Variants in ANKFN1 observed in about 807,000 individuals in gnomAD.
ANKFN1 encodes ankyrin repeat and fibronectin type-III domain-containing protein 1.
In ANKFN1, 74 loss-of-function variants were observed where a neutral mutation model predicts 108.7. The ratio of observed to expected loss-of-function variants is 0.68; its 90% CI spans 0.56 to 0.83. The LOEUF is 0.83. Among genes scored for constraint, ANKFN1 ranks in the 40% least tolerant of loss-of-function variants. The probability of loss-of-function intolerance (pLI) is 0.00; values close to 1 mark genes in which losing one functional copy is unlikely to be tolerated. For synonymous variants in ANKFN1, 547 were observed against 516.2 expected (o/e 1.06, Z -0.81); for missense variants, 1,505 against 1,382.3 (o/e 1.09, Z -1.41).
chr17:56,290,141 T>C (rs1267094168), intron 3 of ANKFN1, among the ~76,000 whole-genome samples: 1 of 152,190 alleles, frequency 6.6e-6, no homozygotes, highest in Non-Finnish European at 1.5e-5. Flanking sequence ...CAATTCTGTT[T>C]TCCTCTGCTC....
chr17:56,137,019 A>T (rs1171011455), intron 4 of ANKFN1, among the ~76,000 whole-genome samples: 2 of 152,216 alleles, frequency 1.3e-5, no homozygotes, highest in Non-Finnish European at 2.9e-5. Flanking sequence ...AAGACCATTT[A>T]TTCAAGAAAC....
In ANKFN1 at chr17:56,492,390, G is replaced by A. The variant is rs1438651583; in HGVS notation, c.2427+37G>A. On this transcript the variant is annotated intron_variant, in intron 19 of 20. Coordinates refer to ENST00000682825, the MANE Select transcript of ANKFN1 (RefSeq NM_001370326.1). ...TTCCTTCTGGGGTAAAAGGAAGGGA[G>A]AAGAGGCAGGGTGGAAAGGGTGAAA... The A allele has an allele frequency of 4.3e-6, 3 of 693,496 alleles. No individual in the cohort carries two copies. In the African/African-American group the frequency reaches 5.3e-5, roughly 12 times the overall value. 43.0% of individuals were successfully genotyped at this position (693,496 alleles called of 1,614,324 possible).
intron 3 of ANKFN1, among the ~76,000 whole-genome samples, chr17:56,253,457 G>T (rs1211955405): frequency 6.6e-6 from 1 of 152,180 alleles, no homozygotes; most frequent in African/African-American, 2.4e-5. Flanking sequence ...AAGAAGCCAG[G>T]CCGGGCGCAA....
chr17:56,100,845 T>G (rs1905633751), intron 4 of ANKFN1, among the ~76,000 whole-genome samples: 2 of 152,188 alleles, frequency 1.3e-5, no homozygotes, highest in African/African-American at 4.8e-5. Flanking sequence ...CACCTGTAGT[T>G]TGGATCCTAT....
chr17:56,274,479 ATAAT>A (rs968580666), intron 3 of ANKFN1, among the ~76,000 whole-genome samples: 8 of 151,362 alleles, frequency 5.3e-5, no homozygotes, highest in Non-Finnish European at 8.9e-5. Context: ...CCTCAAAAAA[ATAAT>A]AATAATAATA....
chr17:56,363,076 G>T (rs1396833183), intron 6 of ANKFN1, among the ~76,000 whole-genome samples: 1 of 151,860 alleles, frequency 6.6e-6, no homozygotes, highest in African/African-American at 2.4e-5. Flanking sequence ...GAGCATGGTG[G>T]CAGGTGCCTG....
intron 6 of ANKFN1, among the ~76,000 whole-genome samples, chr17:56,358,004 C>G (rs2046418843): frequency 6.6e-6 from 1 of 152,084 alleles, no homozygotes. Context: ...GGATTTGAAC[C>G]CAGATCTGTA....
chr17:56,425,106 C>G (rs1340627797), intron 8 of ANKFN1, among the ~76,000 whole-genome samples: 1 of 150,434 alleles, frequency 6.6e-6, no homozygotes, highest in Non-Finnish European at 1.5e-5. Flanking sequence ...TAAGTATACA[C>G]TGTTGCTAAC....
intron 4 of ANKFN1, among the ~76,000 whole-genome samples, chr17:56,097,121 A>G (rs1033870643): frequency 6.6e-6 from 1 of 152,312 alleles, no homozygotes; most frequent in African/African-American, 2.4e-5. Context: ...GTGAACATCA[A>G]AAAACTATCA....
rs142918308 is a variant in ANKFN1, at chr17:56,270,214, G to A, written c.53+42257G>A. ...TTAGAGACTGAGAGGGACATTTTTG[G>A]TTAGCAGAGTCTCCGAGGCTCCATA... is the stretch of plus-strand genomic sequence containing the variant. On this transcript the variant is annotated intron_variant, in intron 3 of 20. Transcript: ENST00000682825. 1.7e-3 allele frequency among the ~76,000 whole-genome samples: 255 copies of A among 152,266 alleles called. 1 individual carries two copies. Among genetic ancestry groups the A allele is most frequent in the African/African-American group, 5.7e-3 (236 of 41,546 alleles).
At chr17:56,212,367 C>G (rs958364192) in intron 1 of ANKFN1, among the ~76,000 whole-genome samples, 1 of 152,002 alleles carries the variant, frequency 6.6e-6, no homozygotes. Context: ...GTGAAACCAT[C>G]CCTGCATCCC....
intron 6 of ANKFN1, among the ~76,000 whole-genome samples, chr17:56,359,267 A>G (rs894885230): frequency 1.3e-5 from 2 of 152,148 alleles, no homozygotes; most frequent in African/African-American, 2.4e-5. Flanking sequence ...GAATGTAGGG[A>G]AAAAAACCTT....
chr17:56,126,750 A>G lies in ANKFN1; in HGVS notation c.288+80425A>G, dbSNP rs147570756. On this transcript the variant is annotated intron_variant, in intron 4 of 12. Transcript: ENST00000635860. ...TAGCACTTGCTCCCAAGCCCAATCA[A>G]TAATACCATTTTGATAAGTAAAATA... Among the ~76,000 whole-genome samples the G allele has an allele frequency of 3.9e-5, 6 of 152,370 alleles. No individual in the cohort carries two copies. The East Asian group carries it at 7.7e-4, about 20-fold the overall frequency.
chr17:56,317,350 C>G (rs2045238653), intron 3 of ANKFN1, among the ~76,000 whole-genome samples: 1 of 152,188 alleles, frequency 6.6e-6, no homozygotes, highest in African/African-American at 2.4e-5. Flanking sequence ...AAAACTCCAG[C>G]TTGCCTTCAT....
chr17:56,381,833 G>T (rs1240966077), intron 8 of ANKFN1, among the ~76,000 whole-genome samples: 4 of 152,184 alleles, frequency 2.6e-5, no homozygotes, highest in Non-Finnish European at 5.9e-5. Flanking sequence ...ATGTGACGGG[G>T]AGAATGGAAC....
intron 4 of ANKFN1, among the ~76,000 whole-genome samples, chr17:56,072,406 C>T (rs1905131087): frequency 1.3e-5 from 2 of 151,990 alleles, no homozygotes; most frequent in Admixed American, 1.3e-4. Flanking sequence ...GTAATCAACA[C>T]TAGATCAAGA....
chr17:56,439,760 C>A (rs1376661001), intron 8 of ANKFN1, among the ~76,000 whole-genome samples: 1 of 152,076 alleles, frequency 6.6e-6, no homozygotes, highest in Admixed American at 6.5e-5. Flanking sequence ...CTCACTCAGA[C>A]CTTAAGAGAG....
chr17:56,382,067 A>T (rs2047122232), intron 8 of ANKFN1, among the ~76,000 whole-genome samples: 1 of 152,212 alleles, frequency 6.6e-6, no homozygotes, highest in Non-Finnish European at 1.5e-5. Flanking sequence ...AGGGAAGCCC[A>T]TCAGACTAAC....
intron 4 of ANKFN1, among the ~76,000 whole-genome samples, chr17:56,086,451 G>T (rs756818648): frequency 2.6e-5 from 4 of 151,290 alleles, no homozygotes; most frequent in Admixed American, 6.6e-5. Flanking sequence ...TTTGAAAGTG[G>T]ATTGGCCCCC....
Sources: allele counts gnomAD v4.1 joint callset (sites outside exome capture counted in the v4.1 genomes callset), GRCh38; gene constraint gnomAD v4.1.1; transcripts MANE v1.5; gene names NCBI Gene and HGNC (gene_info 2026-07-23, HGNC 2026-07-21).